The following KLB variants were observed in gnomAD, a reference collection of about 807,000 sequenced individuals.
KLB encodes the protein klotho beta, also known as beta-klotho.
In KLB, 44 loss-of-function variants were observed where a neutral mutation model predicts 88.4. That is an observed-to-expected ratio of 0.50 (90% confidence interval 0.39 to 0.64). The LOEUF is 0.64. Among genes scored for constraint, KLB ranks in the 30% least tolerant of loss-of-function variants. KLB has a pLI of 0.00. For synonymous variants in KLB, 548 were observed against 513.4 expected (o/e 1.07, Z -0.91); for missense variants, 1,137 against 1,304.8 (o/e 0.87, Z 1.98).
Position 39,448,358 on chromosome 4 carries a change from A to C in KLB, c.2807A>C (p.Glu936Ala). 1 of 1,613,090 alleles carries C rather than the reference A, an allele frequency of 6.2e-7. No individual in the cohort carries two copies. Among genetic ancestry groups the C allele is most frequent in the Non-Finnish European group, 8.5e-7 (1 of 1,179,046 alleles). Residue 936 changes from glutamate (E) to alanine (A), a missense_variant, in exon 5 of 5, where the codon GAG becomes GCG. Around this residue, in one of 4 missense-constraint regions of KLB, gnomAD observed 426 missense variants for 404.6 expected, o/e 1.05. Transcript: ENST00000257408. ...TATTATGCATTCAAACTGGCTGAAG[A>C]GAAATCTAAACCCAGATTTGGATTC... Reference protein sequence around the residue: ...KGYYAFKLAEEKSKPRFGFFT... With the variant: ...KGYYAFKLAEAKSKPRFGFFT...
At chr4:39,443,358 T>C (rs2109842964) in intron 3 of KLB, among the ~76,000 whole-genome samples, 1 of 151,296 alleles carries the variant, frequency 6.6e-6, no homozygotes, top group South Asian at 2.1e-4. Flanking sequence ...GGCAAGACCC[T>C]GTCCCTCCTC....
chr4:39,448,434 G>C lies in KLB; in HGVS notation c.2883G>C (p.Val961=). ...CCTCAATACAATTTTACAACAAAGT[G>C]ATCAGCAGCAGGGGCTTCCCTTTTG... ...AKSSIQFYNK[V]ISSRGFPFEN... The change falls in exon 5 of 5, where the codon GTG becomes GTC. Residue 961 remains valine, a synonymous_variant. Coordinates refer to ENST00000257408, the MANE Select transcript of KLB (RefSeq NM_175737.4). The C allele has an allele frequency of 2.5e-6, 4 of 1,614,160 alleles. No homozygotes were observed. Among genetic ancestry groups the C allele is most frequent in the Non-Finnish European group, 3.4e-6 (4 of 1,180,020 alleles).
chr4:39,419,496 G>A (rs1219042771), intron 1 of KLB, among the ~76,000 whole-genome samples: 2 of 152,086 alleles, frequency 1.3e-5, no homozygotes, highest in Non-Finnish European at 2.9e-5. Context: ...ATTTTTGGCC[G>A]AGCACGGTGG....
chr4:39,437,801 G>A lies in KLB; in HGVS notation c.1411G>A (p.Ala471Thr). 6.2e-7 allele frequency: 1 copy of A among 1,614,182 alleles called. No homozygotes were observed. ...SLLDGFEWQD[A>T]YTIRRGLFYV... ...CCTGGATGGCTTTGAATGGCAGGAT[G>A]CTTACACCATCCGCCGAGGATTATT... Residue 471 changes from alanine to threonine, a missense_variant, in exon 3 of 5, where the codon GCT (alanine) becomes ACT (threonine). Ala to Thr is a moderately conservative substitution (Grantham distance 58). Transcript: ENST00000257408.
intron 1 of KLB, among the ~76,000 whole-genome samples, chr4:39,415,143 C>T (rs531779471): frequency 6.6e-6 from 1 of 152,080 alleles, no homozygotes; most frequent in South Asian, 2.1e-4. Flanking sequence ...GAACTCTGGG[C>T]CTTGGGTGAT....
chr4:39,443,376 C>T (rs1170626749), intron 3 of KLB, among the ~76,000 whole-genome samples: 1 of 150,972 alleles, frequency 6.6e-6, no homozygotes, highest in Non-Finnish European at 1.5e-5. Flanking sequence ...CTCCCTACTC[C>T]CCCCAAAAAA....
intron 3 of KLB, among the ~76,000 whole-genome samples, chr4:39,444,787 C>T (rs1274068606): frequency 2.0e-5 from 3 of 152,252 alleles, no homozygotes; most frequent in East Asian, 1.9e-4. Flanking sequence ...GAATTATATA[C>T]GGATTTAACT....
At chr4:39,425,669 T>C (rs1269856084) in intron 1 of KLB, among the ~76,000 whole-genome samples, 2 of 152,156 alleles carry the variant, frequency 1.3e-5, no homozygotes, top group Non-Finnish European at 2.9e-5. Flanking sequence ...TTAAAACTCC[T>C]GGGCTCAAGC....
At position 39,447,168 on chromosome 4, in the gene KLB, C is replaced by A; in HGVS notation, c.2442C>A (p.Leu814=). The change falls in exon 4 of 5, where the codon CTC becomes CTA. Residue 814 remains leucine (L), a synonymous_variant. Transcript: ENST00000257408. ...PRLTEAERRL[L]KGTVDFCALN... ...TCACCGAGGCCGAAAGGAGGCTGCT[C>A]AAGGGCACGGTCGACTTCTGCGCGC... is the stretch of plus-strand genomic sequence containing the variant. The A allele has an allele frequency of 1.2e-6, 2 of 1,613,872 alleles. No homozygotes were observed. The highest frequency in any genetic ancestry group is 1.7e-6 in the Non-Finnish European group (2 of 1,180,038).
At chr4:39,414,873 A>C (rs1490128681) in intron 1 of KLB, among the ~76,000 whole-genome samples, 1 of 146,114 alleles carries the variant, frequency 6.8e-6, no homozygotes, top group African/African-American at 2.5e-5. Context: ...TGTCTCAGGA[A>C]AAAAAAAAAA....
chr4:39,439,027 G>A (rs1743538763), intron 3 of KLB, among the ~76,000 whole-genome samples: 2 of 146,466 alleles, frequency 1.4e-5, no homozygotes, highest in Admixed American at 1.4e-4. Flanking sequence ...TTTTGAGACA[G>A]GATCTTGCTC....
At chr4:39,411,290 C>T (rs12233688) in intron 1 of KLB, among the ~76,000 whole-genome samples, 41,765 of 150,234 alleles carry the variant, frequency 0.28, 6,281 homozygotes, top group Non-Finnish European at 0.34. Flanking sequence ...CCCACAGCGC[C>T]CGGCCTCAAA....
chr4:39,407,919 TAA>T (rs1742765020), intron 1 of KLB, 145 bp downstream of exon 1: 2 of 535,776 alleles, frequency 3.7e-6, no homozygotes, highest in Admixed American at 6.6e-5. Context: ...ATTTTGCATT[TAA>T]GTTAGTGTAT....
In KLB at chr4:39,446,682, C is replaced by G. The variant is rs147916209; in HGVS notation, c.1956C>G (p.Pro652=). The G allele has an allele frequency of 1.3e-3, 2,126 of 1,610,964 alleles. No individual in the cohort carries two copies. Among genetic ancestry groups the G allele is most frequent in the Non-Finnish European group, 1.6e-3 (1,884 of 1,178,546 alleles). Residue 652 remains proline (P), a synonymous_variant, in exon 4 of 5, where the codon CCC becomes CCG. Coordinates refer to ENST00000257408, the MANE Select transcript of KLB (RefSeq NM_175737.4). The surrounding 1 kb of genome is among the most constrained non-coding windows in gnomAD (Gnocchi z 6.4). ...YYPTHAHLGL[P]EPLLHADGWL... Reference sequence around the variant, plus strand: ...CGACCCACGCCCACCTAGGCCTCCCCGAGCCTCTGTTGCATGCCGACGGGT... The same window carrying G: ...CGACCCACGCCCACCTAGGCCTCCCGGAGCCTCTGTTGCATGCCGACGGGT...
chr4:39,448,001 C>CT (rs1743798849), intron 4 of KLB, among the ~76,000 whole-genome samples: 1 of 152,132 alleles, frequency 6.6e-6, no homozygotes. Context: ...GCTTGTGACC[C>CT]TTTAAACAAA....
At position 39,413,442 on chromosome 4, in the gene KLB, G is replaced by A. The variant is rs1020324776; in HGVS notation, c.825+5668G>A. ...AATATTGCCAAAGCGGGGCAGAGTT[G>A]CTCCTGCCTGTAATCCTAGCACTTT... On this transcript the variant is annotated intron_variant, in intron 1 of 4. Coordinates refer to ENST00000257408, the MANE Select transcript of KLB (RefSeq NM_175737.4). 2.0e-5 allele frequency among the ~76,000 whole-genome samples: 3 copies of A among 152,116 alleles called. No homozygotes were observed. In the South Asian group the frequency reaches 6.2e-4, roughly 31 times the overall value.
chr4:39,439,111 T>C lies in KLB; in HGVS notation c.1605+1116T>C, dbSNP rs150761130. Among the ~76,000 whole-genome samples, 320 of 151,810 alleles carry C rather than the reference T, an allele frequency of 2.1e-3. 3 individuals carry two copies. Among genetic ancestry groups the C allele is most frequent in the African/African-American group, 7.2e-3 (298 of 41,342 alleles). ...TCAATCTCCTGGCCTCAAGTGATCG[T>C]CCCACCTCAAACTTGAACTGGCACT... On this transcript the variant is annotated intron_variant, in intron 3 of 4. Coordinates refer to ENST00000257408, the MANE Select transcript of KLB (RefSeq NM_175737.4).
At chr4:39,445,711 G>A (rs1396749749) in intron 3 of KLB, among the ~76,000 whole-genome samples, 2 of 148,170 alleles carry the variant, frequency 1.3e-5, no homozygotes, top group South Asian at 2.1e-4. Context: ...TAGTAGAGAC[G>A]GTGTTTCTCC....
chr4:39,419,781 A>G (rs1303178438), intron 1 of KLB, among the ~76,000 whole-genome samples: 1 of 150,682 alleles, frequency 6.6e-6, no homozygotes, highest in Admixed American at 6.6e-5. Context: ...CTCAAAAAAA[A>G]AAAAAAAAAA....
Sources: allele counts gnomAD v4.1 joint callset (sites outside exome capture counted in the v4.1 genomes callset), GRCh38; gene constraint gnomAD v4.1.1; regional missense constraint gnomAD v4.1.1; non-coding constraint Gnocchi (gnomAD v3.1); transcripts MANE v1.5; gene names NCBI Gene and HGNC (gene_info 2026-07-23, HGNC 2026-07-21).